The following MED12L variants were observed in gnomAD, a reference collection of about 807,000 sequenced individuals.
MED12L encodes the protein mediator of RNA polymerase II transcription subunit 12-like protein.
A neutral mutation model predicts 281.3 loss-of-function variants in MED12L; 60 were observed. The observed-to-expected ratio is 0.21, with a 90% CI of 0.17 to 0.26. The LOEUF (loss-of-function observed/expected upper bound fraction) is 0.26. MED12L is among the 10% of genes least tolerant of loss of function. MED12L has a pLI of 1.00. For synonymous variants in MED12L, 974 were observed against 987.2 expected, an observed-to-expected ratio of 0.99 and a Z score of 0.25; for missense variants, 2,146 against 2,680.9, an observed-to-expected ratio of 0.80 and a Z score of 4.41.
At chr3:151,290,538 ATAAAT>A (rs1465481107) in intron 16 of MED12L, among the ~76,000 whole-genome samples, 1 of 152,166 alleles carries the variant, frequency 6.6e-6, no homozygotes, top group African/African-American at 2.4e-5. Flanking sequence ...TTTTGAAACT[ATAAAT>A]TATACATTTT....
chr3:151,416,926 T>G (rs1384215919), intron 43 of MED12L, among the ~76,000 whole-genome samples: 7 of 152,218 alleles, frequency 4.6e-5, no homozygotes. Flanking sequence ...ATAAATCAAA[T>G]TTGGAAATGT....
At chr3:151,287,281 G>A (rs1215463782) in intron 16 of MED12L, among the ~76,000 whole-genome samples, 2 of 152,110 alleles carry the variant, frequency 1.3e-5, no homozygotes, top group Admixed American at 6.5e-5. Flanking sequence ...GTAAGAGGTG[G>A]GATACAGGTC....
intron 17 of MED12L, among the ~76,000 whole-genome samples, chr3:151,351,934 C>T (rs909112494): frequency 3.3e-5 from 5 of 152,124 alleles, no homozygotes; most frequent in Non-Finnish European, 5.9e-5. Context: ...ACTCACAAAG[C>T]GAAAAACATT....
intron 16 of MED12L, among the ~76,000 whole-genome samples, chr3:151,226,667 AT>A (rs1336762244): frequency 1.3e-5 from 2 of 151,802 alleles, no homozygotes; most frequent in African/African-American, 4.8e-5. Flanking sequence ...TATATATATT[AT>A]TTTTGTTTTT....
At chr3:151,284,070 A>G (rs533074926) in intron 16 of MED12L, among the ~76,000 whole-genome samples, 2 of 152,346 alleles carry the variant, frequency 1.3e-5, no homozygotes, top group South Asian at 4.1e-4. Context: ...ATGAAACTTA[A>G]TGAATGTAAG....
At chr3:151,173,744 G>A (rs1721706134) in intron 11 of MED12L, among the ~76,000 whole-genome samples, 1 of 152,158 alleles carries the variant, frequency 6.6e-6, no homozygotes, top group Admixed American at 6.5e-5. Flanking sequence ...CTGTTTGTCT[G>A]TACAATGGCC....
intron 16 of MED12L, among the ~76,000 whole-genome samples, chr3:151,222,210 A>G (rs930592132): frequency 1.3e-5 from 2 of 152,130 alleles, no homozygotes; most frequent in Non-Finnish European, 2.9e-5. Context: ...CTTGCTTTAG[A>G]TTTTACAGGC....
chr3:151,330,918 GAAATTTAACCTACAA>G (rs1750281345), intron 16 of MED12L, among the ~76,000 whole-genome samples: 1 of 152,210 alleles, frequency 6.6e-6, no homozygotes, highest in South Asian at 2.1e-4. Context: ...CTTAAGTAGA[GAAATTTAACCTACAA>G]AATTAATTGT....
In MED12L at chr3:151,378,176, G is replaced by C. The variant is rs1336295236; in HGVS notation, c.4478+3G>C. 7.5e-6 allele frequency: 12 copies of C among 1,597,548 alleles called. No homozygotes were observed. Among genetic ancestry groups the C allele is most frequent in the Non-Finnish European group, 1.0e-5 (12 of 1,170,722 alleles). On this transcript the variant is annotated splice_donor_region_variant and intron_variant, in intron 31 of 44. Coordinates refer to ENST00000687756, the MANE Select transcript of MED12L (RefSeq NM_001393769.1). Reference sequence around the variant, plus strand: ...AGGGACAGACAGAAACAGAAAAGGTGTGGCTGGAAGATGGGCGTCTGTGTG... The same window carrying C: ...AGGGACAGACAGAAACAGAAAAGGTCTGGCTGGAAGATGGGCGTCTGTGTG...
chr3:151,331,280 G>T (rs1352395332), intron 16 of MED12L, among the ~76,000 whole-genome samples: 1 of 152,106 alleles, frequency 6.6e-6, no homozygotes, highest in Non-Finnish European at 1.5e-5. Flanking sequence ...ATTGCCTGCT[G>T]GGGAGGCCTT....
chr3:151,314,645 T>C (rs1747996846), intron 16 of MED12L, among the ~76,000 whole-genome samples: 1 of 152,200 alleles, frequency 6.6e-6, no homozygotes, highest in Non-Finnish European at 1.5e-5. Flanking sequence ...ATCACGTAGC[T>C]GGCTAGGGGC....
intron 16 of MED12L, among the ~76,000 whole-genome samples, chr3:151,243,824 A>G (rs892844878): frequency 9.9e-5 from 15 of 151,326 alleles, no homozygotes; most frequent in African/African-American, 3.7e-4. Context: ...AGACTGGCAA[A>G]TTGGATAAAG....
At chr3:151,132,623 C>T (rs1715561344) in intron 5 of MED12L, among the ~76,000 whole-genome samples, 1 of 152,148 alleles carries the variant, frequency 6.6e-6, no homozygotes, top group Non-Finnish European at 1.5e-5. Flanking sequence ...TTCAAAGTTA[C>T]TATTCTACCC....
At chr3:151,222,296 T>C (rs1729519402) in intron 16 of MED12L, among the ~76,000 whole-genome samples, 1 of 77,416 alleles carries the variant, frequency 1.3e-5, no homozygotes, top group African/African-American at 5.7e-5. Flanking sequence ...CTGAAATGAA[T>C]TGAGACTTGG....
At chr3:151,124,822 T>G (rs539627822) in intron 4 of MED12L, among the ~76,000 whole-genome samples, 1 of 152,350 alleles carries the variant, frequency 6.6e-6, no homozygotes, top group Admixed American at 6.5e-5. Flanking sequence ...AAAAGGAGAC[T>G]TCTGGCATCT....
At chr3:151,293,442 G>T (rs1191260258) in intron 16 of MED12L, among the ~76,000 whole-genome samples, 2 of 152,158 alleles carry the variant, frequency 1.3e-5, no homozygotes, top group African/African-American at 4.8e-5. Context: ...TATCACAGGA[G>T]CATCACAGGA....
intron 5 of MED12L, among the ~76,000 whole-genome samples, chr3:151,142,637 G>T (rs967297931): frequency 3.9e-5 from 6 of 152,110 alleles, no homozygotes; most frequent in African/African-American, 1.4e-4. Context: ...ATTTTTAAGT[G>T]TAGATTTTGT....
rs1753035341 is a variant in MED12L at position 151,350,100 on chromosome 3, T to C, written c.2292T>C (p.Leu764=). Residue 764 remains leucine, a synonymous_variant, in exon 17 of 45, where the codon CTT becomes CTC. Transcript: ENST00000687756. ...SSHECNQRTI[L]LYGVGKERDE... ...ATGAATGTAACCAGCGCACAATCCT[T>C]CTCTATGGAGTCGGCAAAGAGCGTG... The C allele has an allele frequency of 9.9e-6, 16 of 1,613,394 alleles. No individual in the cohort carries two copies. Among genetic ancestry groups the C allele is most frequent in the Non-Finnish European group, 1.4e-5 (16 of 1,179,560 alleles).
intron 2 of MED12L, among the ~76,000 whole-genome samples, chr3:151,113,515 G>A (rs1251584680): frequency 2.0e-5 from 3 of 152,222 alleles, no homozygotes; most frequent in African/African-American, 7.2e-5. Context: ...TGTGGTCAAA[G>A]TGGCCTTCAG....
Sources: gnomAD v4.1 joint callset for allele counts (sites outside exome capture counted in the v4.1 genomes callset) on GRCh38, gnomAD v4.1.1 for gene constraint, MANE v1.5 for transcripts, NCBI Gene and HGNC (gene_info 2026-07-23, HGNC 2026-07-21) for gene names.